The following CMSS1 variants were observed in gnomAD, a reference collection of about 807,000 sequenced individuals.
The protein encoded by CMSS1 is cms1 ribosomal small subunit homolog.
A neutral mutation model predicts 43.5 loss-of-function variants in CMSS1; 33 were observed. The observed-to-expected ratio is 0.76, with a 90% confidence interval of 0.57 to 1.01. The LOEUF is 1.01. Among genes scored for constraint, CMSS1 ranks in the 50% least tolerant of loss-of-function variants. The pLI, the probability that CMSS1 is intolerant of heterozygous loss-of-function variation, is 0.00. For missense variants in CMSS1, 313 were observed against 326.4 expected (o/e 0.96, Z 0.32); for synonymous variants, 115 against 117.2 (o/e 0.98, Z 0.12).
At chr3:100,070,693 G>C (rs577599426) in intron 1 of CMSS1, among the ~76,000 whole-genome samples, 1 of 152,078 alleles carries the variant, frequency 6.6e-6, no homozygotes, top group African/African-American at 2.4e-5. Context: ...GTGCAGTGGC[G>C]CAATCTCGGC....
intron 1 of CMSS1, among the ~76,000 whole-genome samples, chr3:99,974,260 T>C (rs1559709968): frequency 2.0e-5 from 3 of 152,220 alleles, no homozygotes; most frequent in Admixed American, 2.0e-4. Context: ...TATATACAGT[T>C]CGTGCTTTCA....
At chr3:100,129,563 T>G (rs1370420783) in intron 1 of CMSS1, among the ~76,000 whole-genome samples, 1 of 152,208 alleles carries the variant, frequency 6.6e-6, no homozygotes, top group African/African-American at 2.4e-5. Context: ...AAAATATTAC[T>G]GCTGATTAAG....
intron 1 of CMSS1, among the ~76,000 whole-genome samples, chr3:99,955,417 A>G (rs562433592): frequency 6.6e-6 from 1 of 152,314 alleles, no homozygotes; most frequent in South Asian, 2.1e-4. Flanking sequence ...TTTTTAGCGA[A>G]GGCATTTAAG....
intron 1 of CMSS1, chr3:99,930,838 G>T: frequency 6.2e-7 from 1 of 1,612,322 alleles, no homozygotes; most frequent in Non-Finnish European, 8.5e-7. Context: ...CTGCTTGGTG[G>T]CCATTACCAC....
At chr3:100,169,478 C>T (rs1306591007) in intron 6 of CMSS1, among the ~76,000 whole-genome samples, 4 of 152,200 alleles carry the variant, frequency 2.6e-5, no homozygotes, top group Non-Finnish European at 5.9e-5. Context: ...GACTAAGGTG[C>T]AAATCTAGAT....
At chr3:100,011,316 C>A (rs1710150378) in intron 1 of CMSS1, among the ~76,000 whole-genome samples, 1 of 152,096 alleles carries the variant, frequency 6.6e-6, no homozygotes, top group South Asian at 2.1e-4. Flanking sequence ...GAGTATCAAG[C>A]AACCAAAACC....
chr3:100,092,221 C>G (rs1359621396), intron 1 of CMSS1, among the ~76,000 whole-genome samples: 2 of 152,052 alleles, frequency 1.3e-5, no homozygotes, highest in African/African-American at 4.8e-5. Context: ...AGTAAATATT[C>G]TATAACAGTA....
At chr3:99,906,336 C>T (rs1203375347) in intron 1 of CMSS1, among the ~76,000 whole-genome samples, 1 of 152,020 alleles carries the variant, frequency 6.6e-6, no homozygotes, top group Non-Finnish European at 1.5e-5. Flanking sequence ...CTTTAAGGCC[C>T]CTTCAAGTCT....
At chr3:99,984,046 A>ATGTGTGTGTGTGTGTGTGTG (rs1206336764) in intron 1 of CMSS1, among the ~76,000 whole-genome samples, 20 of 14,050 alleles carry the variant, frequency 1.4e-3, no homozygotes, top group East Asian at 3.5e-3. Flanking sequence ...AAAAGGATGT[A>ATGTGTGTGTGTGTGTGTGTG]TATGTATGTG....
chr3:100,131,641 C>G (rs1360287543), intron 1 of CMSS1, among the ~76,000 whole-genome samples: 2 of 152,168 alleles, frequency 1.3e-5, no homozygotes, highest in African/African-American at 4.8e-5. Context: ...TTCTCGCTTC[C>G]TTGCTACTCC....
At chr3:99,917,365 G>T (rs568031855) in intron 1 of CMSS1, among the ~76,000 whole-genome samples, 2 of 152,084 alleles carry the variant, frequency 1.3e-5, no homozygotes, top group South Asian at 2.1e-4. Flanking sequence ...ATTTATCTTG[G>T]ACCTCCCGTA....
At chr3:100,092,668 C>G (rs2066131005) in intron 1 of CMSS1, among the ~76,000 whole-genome samples, 1 of 146,000 alleles carries the variant, frequency 6.8e-6, no homozygotes. Flanking sequence ...ATGCACTGAG[C>G]AAACATACAT....
At chr3:100,160,595 C>G in intron 3 of CMSS1, 94 bp downstream of exon 3, 1 of 646,238 alleles carries the variant, frequency 1.5e-6, no homozygotes, top group Non-Finnish European at 2.8e-6. Flanking sequence ...ATTGTAATCC[C>G]CACCTAAGAG....
chr3:100,074,018 G>C (rs1156756681), intron 1 of CMSS1, among the ~76,000 whole-genome samples: 1 of 152,152 alleles, frequency 6.6e-6, no homozygotes, highest in East Asian at 1.9e-4. Context: ...TCAAGTAAAA[G>C]CAAGTCGTCT....
intron 1 of CMSS1, among the ~76,000 whole-genome samples, chr3:100,028,512 G>A (rs1412568860): frequency 6.6e-6 from 1 of 152,048 alleles, no homozygotes; most frequent in Non-Finnish European, 1.5e-5. Flanking sequence ...ATTCACGTTG[G>A]AGAATAGGCC....
At chr3:100,134,103 G>A (rs544699943) in intron 1 of CMSS1, among the ~76,000 whole-genome samples, 2 of 152,312 alleles carry the variant, frequency 1.3e-5, no homozygotes, top group Admixed American at 1.3e-4. Flanking sequence ...AGGTCTAGAT[G>A]TAGCCTCATA....
intron 1 of CMSS1, among the ~76,000 whole-genome samples, chr3:100,059,810 A>G (rs1258442210): frequency 6.6e-6 from 1 of 152,126 alleles, no homozygotes; most frequent in African/African-American, 2.4e-5. Flanking sequence ...GTGTGTATGT[A>G]TCATCTCCTG....
chr3:100,117,848 T>A (rs867213590), intron 1 of CMSS1, among the ~76,000 whole-genome samples: 1 of 91,508 alleles, frequency 1.1e-5, no homozygotes, highest in East Asian at 2.7e-4. Flanking sequence ...TATATATATA[T>A]ATATACATAT....
intron 1 of CMSS1, among the ~76,000 whole-genome samples, chr3:99,892,235 A>G (rs1706105752): frequency 6.6e-6 from 1 of 152,194 alleles, no homozygotes; most frequent in Non-Finnish European, 1.5e-5. Context: ...CAAGTCTCCA[A>G]TTTTGTATGG....
Sources: gnomAD v4.1 joint callset for allele counts (sites outside exome capture counted in the v4.1 genomes callset) on GRCh38, gnomAD v4.1.1 for gene constraint, MANE v1.5 for transcripts, NCBI Gene and HGNC (gene_info 2026-07-23, HGNC 2026-07-21) for gene names.